The following TPRG1 variants were observed in gnomAD, a reference collection of about 807,000 sequenced individuals.
TPRG1 encodes the protein tumor protein p63-regulated gene 1 protein.
A neutral mutation model predicts 29.3 loss-of-function variants in TPRG1; 29 were observed. The observed-to-expected ratio is 0.99, with a 90% CI of 0.74 to 1.35. The LOEUF (loss-of-function observed/expected upper bound fraction) is 1.35, where lower values mean the gene tolerates loss of function less well. TPRG1 is among the 40% of genes most tolerant of loss of function. TPRG1 has a pLI of 0.00. For synonymous variants in TPRG1, 130 were observed against 116.8 expected (o/e 1.11, Z -0.73); for missense variants, 327 against 335.0 (o/e 0.98, Z 0.19).
At chr3:189,119,253 A>G (rs535659583) in intron 1 of TPRG1, among the ~76,000 whole-genome samples, 1 of 152,248 alleles carries the variant, frequency 6.6e-6, no homozygotes, top group Non-Finnish European at 1.5e-5. Context: ...GTTTTGGCCA[A>G]TTTCTCCCAT....
intron 4 of TPRG1, among the ~76,000 whole-genome samples, chr3:189,089,258 CAG>C (rs1287724514): frequency 2.0e-5 from 3 of 152,128 alleles, no homozygotes; most frequent in African/African-American, 7.2e-5. Context: ...ATTCCTTTAA[CAG>C]AAATACTCTG....
intron 3 of TPRG1, among the ~76,000 whole-genome samples, chr3:189,231,980 T>A (rs1348489862): frequency 1.3e-5 from 2 of 151,934 alleles, no homozygotes; most frequent in African/African-American, 4.8e-5. Context: ...TGTGTTTGGG[T>A]GTATATCTAT....
chr3:189,310,055 G>A (rs1028149981), intron 4 of TPRG1: 6 of 170,624 alleles, frequency 3.5e-5, no homozygotes, highest in Non-Finnish European at 6.3e-5. Flanking sequence ...TTCTGTTACT[G>A]TTCACCTCTT....
intron 4 of TPRG1, among the ~76,000 whole-genome samples, chr3:189,082,962 G>A (rs980983325): frequency 5.9e-5 from 9 of 152,100 alleles, no homozygotes; most frequent in African/African-American, 2.2e-4. Flanking sequence ...GAAGAGAAAT[G>A]GTATTTGGGT....
intron 1 of TPRG1, among the ~76,000 whole-genome samples, chr3:189,118,034 G>A (rs1721388589): frequency 6.6e-6 from 1 of 152,214 alleles, no homozygotes; most frequent in South Asian, 2.1e-4. Flanking sequence ...ATGTGGGAAA[G>A]TTTGAGACTT....
intron 5 of TPRG1, among the ~76,000 whole-genome samples, chr3:189,151,859 C>T (rs919875566): frequency 5.3e-5 from 8 of 151,924 alleles, no homozygotes; most frequent in Non-Finnish European, 7.4e-5. Flanking sequence ...CCATCCTGGG[C>T]GAGAGAGCAT....
chr3:189,194,676 T>C (rs1006227453), intron 1 of TPRG1, among the ~76,000 whole-genome samples: 6 of 152,256 alleles, frequency 3.9e-5, no homozygotes, highest in Admixed American at 3.9e-4. Context: ...GAGCAGAGTA[T>C]GGCTGCAATT....
At chr3:189,253,942 G>C (rs1035543885) in intron 4 of TPRG1, among the ~76,000 whole-genome samples, 1 of 152,104 alleles carries the variant, frequency 6.6e-6, no homozygotes, top group African/African-American at 2.4e-5. Flanking sequence ...ACTTTTTGAT[G>C]GGGTTGTTCT....
At chr3:189,068,533 T>A (rs982222247) in intron 4 of TPRG1, among the ~76,000 whole-genome samples, 1 of 152,170 alleles carries the variant, frequency 6.6e-6, no homozygotes, top group Non-Finnish European at 1.5e-5. Context: ...TCCCAGCACT[T>A]TGGGAGGCCA....
chr3:189,078,123 T>C (rs1184156528), intron 4 of TPRG1, among the ~76,000 whole-genome samples: 35 of 138,796 alleles, frequency 2.5e-4, no homozygotes, highest in Middle Eastern at 3.5e-3. Flanking sequence ...CTTTCTTTCT[T>C]TCTTTCTTTC....
intron 3 of TPRG1, among the ~76,000 whole-genome samples, chr3:189,215,914 C>T (rs1315231437): frequency 6.6e-6 from 1 of 152,122 alleles, no homozygotes; most frequent in Non-Finnish European, 1.5e-5. Context: ...CATTCAAGCC[C>T]TTATTGCTTC....
intron 3 of TPRG1, among the ~76,000 whole-genome samples, chr3:189,010,885 T>A (rs1405492699): frequency 6.6e-6 from 1 of 152,226 alleles, no homozygotes; most frequent in African/African-American, 2.4e-5. Context: ...AGGGTTTTTA[T>A]AGTTTTGGGT....
At chr3:189,072,809 T>C (rs1716890984) in intron 4 of TPRG1, among the ~76,000 whole-genome samples, 1 of 152,178 alleles carries the variant, frequency 6.6e-6, no homozygotes, top group African/African-American at 2.4e-5. Context: ...TCTGTCTATG[T>C]AATTTTTATT....
chr3:189,287,826 T>C (rs1718327704), intron 4 of TPRG1, among the ~76,000 whole-genome samples: 1 of 152,176 alleles, frequency 6.6e-6, no homozygotes, highest in African/African-American at 2.4e-5. Flanking sequence ...GTGTTTATTT[T>C]TTGCCTATTT....
At chr3:189,312,109 C>G (rs1367708563) in intron 5 of TPRG1, among the ~76,000 whole-genome samples, 3 of 76,428 alleles carry the variant, frequency 3.9e-5, no homozygotes, top group African/African-American at 1.2e-4. Flanking sequence ...TTCTTTGTTT[C>G]TTTCTTTGTT....
intron 3 of TPRG1, among the ~76,000 whole-genome samples, chr3:189,225,750 G>C (rs890100696): frequency 7.2e-5 from 11 of 152,258 alleles, no homozygotes; most frequent in African/African-American, 2.6e-4. Flanking sequence ...AGAGCACGTA[G>C]AGCAAGAAGG....
intron 2 of TPRG1, among the ~76,000 whole-genome samples, chr3:189,128,957 T>C (rs1018630282): frequency 5.3e-5 from 8 of 152,160 alleles, no homozygotes; most frequent in African/African-American, 1.7e-4. Flanking sequence ...CTTTTAAACT[T>C]CTTATTTTGA....
At chr3:189,224,626 T>C (rs1395521971) in intron 3 of TPRG1, among the ~76,000 whole-genome samples, 1 of 152,176 alleles carries the variant, frequency 6.6e-6, no homozygotes, top group Admixed American at 6.5e-5. Context: ...AGAAACAAGC[T>C]AGAAAAATAG....
chr3:189,269,817 G>T (rs1200196809), intron 4 of TPRG1, among the ~76,000 whole-genome samples: 1 of 152,128 alleles, frequency 6.6e-6, no homozygotes, highest in African/African-American at 2.4e-5. Flanking sequence ...CTTAAAGATG[G>T]GTAAACAGCT....
Sources: allele counts gnomAD v4.1 joint callset (sites outside exome capture counted in the v4.1 genomes callset), GRCh38; gene constraint gnomAD v4.1.1; transcripts MANE v1.5; gene names NCBI Gene and HGNC (gene_info 2026-07-23, HGNC 2026-07-21).